Variants in GALNT17 observed in about 807,000 individuals in gnomAD.
GALNT17 encodes UDP-GalNAc:polypeptide N-acetylgalactosaminyltransferase-like 3.
In GALNT17, 29 loss-of-function variants were observed where a neutral mutation model predicts 63.7. That is an observed-to-expected ratio of 0.46 (90% CI 0.34 to 0.62). GALNT17 has a LOEUF of 0.62. GALNT17 is among the 20% of genes least tolerant of loss of function. GALNT17 has a pLI of 0.01. For synonymous variants in GALNT17, 305 were observed against 318.3 expected, an observed-to-expected ratio of 0.96 and a Z score of 0.45; for missense variants, 603 against 799.6, an observed-to-expected ratio of 0.75 and a Z score of 2.97.
At chr7:71,577,788 C>G (rs1789562995) in intron 6 of GALNT17, among the ~76,000 whole-genome samples, 1 of 152,104 alleles carries the variant, frequency 6.6e-6, no homozygotes, top group Non-Finnish European at 1.5e-5. Flanking sequence ...GTCTCTGAGC[C>G]ATTCCATTTC....
chr7:71,386,253 G>A (rs1792941822), intron 2 of GALNT17, among the ~76,000 whole-genome samples: 1 of 152,168 alleles, frequency 6.6e-6, no homozygotes, highest in South Asian at 2.1e-4. Context: ...TTGCCTACAT[G>A]ATTAATATGG....
intron 9 of GALNT17, among the ~76,000 whole-genome samples, chr7:71,690,514 TA>T: frequency 6.6e-6 from 1 of 152,192 alleles, no homozygotes; most frequent in East Asian, 1.9e-4. Flanking sequence ...GATCAAGGAG[TA>T]ATTTTGACCT....
chr7:71,634,958 C>T (rs1790508173), intron 6 of GALNT17, among the ~76,000 whole-genome samples: 1 of 151,888 alleles, frequency 6.6e-6, no homozygotes, highest in African/African-American at 2.4e-5. Flanking sequence ...CTTGTAATCC[C>T]AGCACTTTGG....
At chr7:71,289,120 A>C (rs1790930754) in intron 1 of GALNT17, among the ~76,000 whole-genome samples, 1 of 151,988 alleles carries the variant, frequency 6.6e-6, no homozygotes, top group Non-Finnish European at 1.5e-5. Flanking sequence ...GACTCCCCCA[A>C]AACTTATTTA....
At chr7:71,280,505 C>T (rs945416829) in intron 1 of GALNT17, among the ~76,000 whole-genome samples, 1 of 152,092 alleles carries the variant, frequency 6.6e-6, no homozygotes, top group Non-Finnish European at 1.5e-5. Context: ...CTATGAAGAC[C>T]CTCTTGGTTG....
intron 6 of GALNT17, among the ~76,000 whole-genome samples, chr7:71,600,763 C>CT (rs71089964): frequency 0.72 from 109,485 of 151,464 alleles, 39,833 homozygotes; most frequent in South Asian, 0.83. Context: ...TTTTTTCACT[C>CT]TTTTTTTTAT....
At chr7:71,133,765 A>G (rs961274427) in intron 1 of GALNT17, among the ~76,000 whole-genome samples, 5 of 152,122 alleles carry the variant, frequency 3.3e-5, no homozygotes, top group Admixed American at 1.3e-4. Context: ...GAGAAGAGGG[A>G]GACTTTTTAT....
intron 3 of GALNT17, among the ~76,000 whole-genome samples, chr7:71,411,658 G>A (rs956406342): frequency 6.6e-6 from 1 of 152,154 alleles, no homozygotes; most frequent in Non-Finnish European, 1.5e-5. Context: ...CTCTTGAGAT[G>A]TCCCACTCAT....
chr7:71,625,738 G>A (rs1304238005), intron 6 of GALNT17, among the ~76,000 whole-genome samples: 1 of 152,102 alleles, frequency 6.6e-6, no homozygotes, highest in East Asian at 1.9e-4. Flanking sequence ...AGCGCTGACA[G>A]TCTGTGTTTC....
chr7:71,465,156 TTTTTCC>T (rs1161093693), intron 5 of GALNT17, among the ~76,000 whole-genome samples: 1 of 152,216 alleles, frequency 6.6e-6, no homozygotes, highest in East Asian at 1.9e-4. Flanking sequence ...GTGAAAATTC[TTTTTCC>T]TTGGTCAGAT....
intron 5 of GALNT17, among the ~76,000 whole-genome samples, chr7:71,525,198 G>C (rs1307805628): frequency 1.3e-5 from 2 of 151,956 alleles, no homozygotes; most frequent in Non-Finnish European, 2.9e-5. Context: ...TTTCGAGATG[G>C]AGTCTCGTTT....
intron 9 of GALNT17, among the ~76,000 whole-genome samples, chr7:71,699,466 ACT>A (rs1269691338): frequency 1.4e-5 from 2 of 141,610 alleles, no homozygotes; most frequent in Admixed American, 7.2e-5. Context: ...ACAGAGTGAG[ACT>A]CTGTCTCAAA....
intron 5 of GALNT17, among the ~76,000 whole-genome samples, chr7:71,470,958 G>T (rs545482095): frequency 6.6e-6 from 1 of 152,264 alleles, no homozygotes; most frequent in East Asian, 1.9e-4. Context: ...AAGTATACAT[G>T]TAGTTTTAAA....
intron 9 of GALNT17, among the ~76,000 whole-genome samples, chr7:71,683,269 C>T (rs1791298343): frequency 1.3e-5 from 2 of 152,114 alleles, no homozygotes; most frequent in South Asian, 4.1e-4. Flanking sequence ...TGGTGTGGCT[C>T]TCCAGCTGCC....
chr7:71,135,858 C>T (rs1459048271), intron 1 of GALNT17, among the ~76,000 whole-genome samples: 2 of 152,168 alleles, frequency 1.3e-5, no homozygotes, highest in Admixed American at 6.5e-5. Context: ...AAACAGTTCC[C>T]GGACTGGTGG....
At chr7:71,268,024 G>A (rs141386187) in intron 1 of GALNT17, among the ~76,000 whole-genome samples, 1 of 152,116 alleles carries the variant, frequency 6.6e-6, no homozygotes, top group African/African-American at 2.4e-5. Flanking sequence ...GAGCAATAGG[G>A]GCGTGTTTGC....
chr7:71,611,773 A>G lies in GALNT17; in HGVS notation c.1080+40371A>G, dbSNP rs572329983. Among the ~76,000 whole-genome samples the G allele has an allele frequency of 5.9e-5, 9 of 152,288 alleles. No homozygotes were observed. In the South Asian group the frequency reaches 1.7e-3, roughly 28 times the overall value. ...TGGACAAAGCGGAAGACCATGGTGT[A>G]GAATAACCTCGGATGCCCTGATGTT... On this transcript the variant is annotated intron_variant, in intron 6 of 10. Transcript: ENST00000333538.
chr7:71,671,435 C>A (rs901470996), intron 8 of GALNT17, among the ~76,000 whole-genome samples: 1 of 152,192 alleles, frequency 6.6e-6, no homozygotes, highest in Non-Finnish European at 1.5e-5. Flanking sequence ...TGCCTGCTGC[C>A]TTTTATAGAA....
chr7:71,357,377 G>A (rs995376410), intron 2 of GALNT17, among the ~76,000 whole-genome samples: 7 of 152,080 alleles, frequency 4.6e-5, no homozygotes, highest in East Asian at 1.9e-4. Context: ...AATACCTTAC[G>A]ATCTGAGGTG....
Sources: allele counts gnomAD v4.1 joint callset (sites outside exome capture counted in the v4.1 genomes callset), GRCh38; gene constraint gnomAD v4.1.1; transcripts MANE v1.5; gene names NCBI Gene and HGNC (gene_info 2026-07-23, HGNC 2026-07-21).